OR7C1: variants seen among roughly 807,000 people sequenced by gnomAD.
The protein encoded by OR7C1 is olfactory receptor 7C1.
For missense variants in OR7C1, 324 were observed against 383.3 expected, an observed-to-expected ratio of 0.85 and a Z score of 1.29; for synonymous variants, 152 against 160.7, an observed-to-expected ratio of 0.95 and a Z score of 0.41.
At chr19:14,816,846 A>T (rs2044718527) in intron 1 of OR7C1, among the ~76,000 whole-genome samples, 1 of 152,172 alleles carries the variant, frequency 6.6e-6, no homozygotes, top group Non-Finnish European at 1.5e-5. Flanking sequence ...AAGGAGTAAA[A>T]ATTAATCAAA....
intron 1 of OR7C1, among the ~76,000 whole-genome samples, chr19:14,824,028 C>A (rs142699077): frequency 6.6e-6 from 1 of 152,022 alleles, no homozygotes; most frequent in Non-Finnish European, 1.5e-5. Context: ...TTCCATTTAC[C>A]TTTTCCCCTC....
intron 1 of OR7C1, among the ~76,000 whole-genome samples, chr19:14,813,605 A>C (rs1257882559): frequency 6.6e-6 from 1 of 152,138 alleles, no homozygotes; most frequent in Non-Finnish European, 1.5e-5. Context: ...AAAAAGGTTT[A>C]ATTGCCTCAC....
chr19:14,799,437 T>G (rs1348346380), exon 5 of OR7C1: 1 of 1,614,204 alleles, frequency 6.2e-7, no homozygotes, highest in South Asian at 1.1e-5. Flanking sequence ...GCTTTGTGCT[T>G]TCTCCCAGCT....
At chr19:14,812,909 CA>C (rs2044698089) in intron 1 of OR7C1, among the ~76,000 whole-genome samples, 2 of 151,450 alleles carry the variant, frequency 1.3e-5, no homozygotes, top group South Asian at 2.1e-4. Context: ...ACTAAATATA[CA>C]AAAAATTAGC....
chr19:14,799,545 C>T, exon 5 of OR7C1: 1 of 1,614,160 alleles, frequency 6.2e-7, no homozygotes, highest in South Asian at 1.1e-5. Flanking sequence ...AAGTATATCA[C>T]CACGTTATTA....
intron 1 of OR7C1, among the ~76,000 whole-genome samples, chr19:14,817,752 G>A (rs776288276): frequency 6.6e-6 from 1 of 152,166 alleles, no homozygotes; most frequent in African/African-American, 2.4e-5. Flanking sequence ...GTTAGACTCA[G>A]CAATGCAGAG....
chr19:14,830,442 G>C (rs1284573873), intron 1 of OR7C1, among the ~76,000 whole-genome samples: 1 of 151,462 alleles, frequency 6.6e-6, no homozygotes, highest in Non-Finnish European at 1.5e-5. Flanking sequence ...AGGTTAGCAA[G>C]AAAGGAACTG....
chr19:14,830,748 G>A, intron 1 of OR7C1, among the ~76,000 whole-genome samples: 1 of 152,142 alleles, frequency 6.6e-6, no homozygotes, highest in East Asian at 1.9e-4. Flanking sequence ...TAGGGAAATG[G>A]AGTCAGGCTG....
chr19:14,834,654 G>A (rs997034113), intron 1 of OR7C1, among the ~76,000 whole-genome samples: 3 of 148,904 alleles, frequency 2.0e-5, no homozygotes, highest in Non-Finnish European at 4.5e-5. Context: ...TTTTCTCACG[G>A]GCATAGAATC....
intron 2 of OR7C1, 72 bp downstream of exon 2, chr19:14,809,734 C>T (rs2044682387): frequency 6.6e-6 from 1 of 152,220 alleles, no homozygotes; most frequent in Admixed American, 6.5e-5. Flanking sequence ...CTCATCATTT[C>T]TGGCTGTTTC....
intron 1 of OR7C1, among the ~76,000 whole-genome samples, chr19:14,810,380 T>TTTG (rs1555694743): frequency 2.1e-5 from 2 of 96,610 alleles, no homozygotes; most frequent in Admixed American, 9.1e-5. Flanking sequence ...GAGTTTTTTT[T>TTTG]TTTTGTTTTT....
intron 1 of OR7C1, among the ~76,000 whole-genome samples, chr19:14,812,918 A>C (rs2044698135): frequency 6.6e-6 from 1 of 151,936 alleles, no homozygotes; most frequent in African/African-American, 2.4e-5. Context: ...ACAAAAAATT[A>C]GCCAGGCAAA....
rs879360407 is a variant in OR7C1 at position 14,807,982 on chromosome 19, A to T, written c.-435+1824T>A. Among the ~76,000 whole-genome samples the T allele has an allele frequency of 4.6e-5, 5 of 109,648 alleles. 1 individual carries two copies. The highest frequency in any genetic ancestry group is 6.5e-5 in the Non-Finnish European group (3 of 46,154). 71.9% of individuals were successfully genotyped at this position (109,648 alleles called of 152,430 possible). On this transcript the variant is annotated intron_variant, in intron 2 of 4. Transcript: ENST00000641666. ...AATTTCTCTACATCCTCACCAACAT[A>T]TTTTTTTATTTCTTTAATAATAAAC...
chr19:14,824,686 A>G (rs908866872), intron 1 of OR7C1: 1 of 152,180 alleles, frequency 6.6e-6, no homozygotes, highest in African/African-American at 2.4e-5. Context: ...CAGTGAACAT[A>G]TGGGTGAATG....
chr19:14,828,141 A>G lies in OR7C1; in HGVS notation c.-623+6933T>C, dbSNP rs753219648. 7 of 1,614,158 alleles carry G rather than the reference A, an allele frequency of 4.3e-6. No individual in the cohort carries two copies. In the East Asian group the frequency reaches 1.3e-4, roughly 31 times the overall value. On this transcript the variant is annotated intron_variant, in intron 1 of 4. Transcript: ENST00000641666. ...GTTCCCGAGCACAGTGACCAGGTAC[A>G]TGGACAGGAACAGCCCAAAGAGGAA...
chr19:14,799,055 G>C (rs2044625183), exon 5 of OR7C1: 4 of 1,282,278 alleles, frequency 3.1e-6, no homozygotes, highest in Non-Finnish European at 4.2e-6. Context: ...TTTCTTTCTA[G>C]CTCCTGTATC....
intron 2 of OR7C1, among the ~76,000 whole-genome samples, chr19:14,804,468 C>A (rs1473545965): frequency 4.7e-5 from 7 of 150,050 alleles, no homozygotes; most frequent in African/African-American, 1.5e-4. Context: ...AGAGTCGCCA[C>A]ACTATAATAT....
chr19:14,800,251 A>G lies in OR7C1; in HGVS notation c.-14+5T>C, dbSNP rs1163937758. ...AAGTGAAGGAATCAATTAACAAAAG[A>G]TTGCCTTTTTCTTGCTGTCTTTTTC... On this transcript the variant is annotated splice_donor_5th_base_variant and intron_variant, in intron 4 of 4. Coordinates refer to ENST00000641666, the Ensembl canonical transcript of OR7C1. 1.9e-5 allele frequency: 23 copies of G among 1,238,614 alleles called. No homozygotes were observed. Among genetic ancestry groups the G allele is most frequent in the Middle Eastern group, 2.8e-4 (1 of 3,520 alleles). 76.7% of individuals were successfully genotyped at this position (1,238,614 alleles called of 1,614,324 possible). A position where few individuals can be genotyped will look rare whatever the true frequency, so the allele number is the denominator to read the frequency against.
chr19:14,824,835 C>T (rs1009540135), intron 1 of OR7C1: 3 of 152,180 alleles, frequency 2.0e-5, no homozygotes, highest in African/African-American at 7.2e-5. Context: ...TTTACATTCC[C>T]ACCAACAGTG....
Sources: gnomAD v4.1 joint callset for allele counts (sites outside exome capture counted in the v4.1 genomes callset) on GRCh38, gnomAD v4.1.1 for gene constraint, MANE v1.5 for transcripts, NCBI Gene and HGNC (gene_info 2026-07-23, HGNC 2026-07-21) for gene names.